Variants in UNC13C observed in about 807,000 individuals in gnomAD.
UNC13C encodes unc-13 homolog C.
In UNC13C, 174 loss-of-function variants were observed where a neutral mutation model predicts 245.4. The ratio of observed to expected loss-of-function variants is 0.71; its 90% CI spans 0.63 to 0.80. The LOEUF (loss-of-function observed/expected upper bound fraction) is 0.80, where lower values mean the gene tolerates loss of function less well. UNC13C is among the 30% of genes least tolerant of loss of function. The pLI, the probability that UNC13C is intolerant of heterozygous loss-of-function variation, is 0.00. For synonymous variants in UNC13C, 992 were observed against 895.1 expected (o/e 1.11, Z -1.93); for missense variants, 2,829 against 2,602.9 (o/e 1.09, Z -1.89).
At chr15:54,616,118 C>G (rs551991195) in intron 30 of UNC13C, among the ~76,000 whole-genome samples, 4 of 152,160 alleles carry the variant, frequency 2.6e-5, no homozygotes, top group South Asian at 4.1e-4. Context: ...GGATTTCTTA[C>G]TAACCTCTCA....
chr15:54,192,913 C>T (rs1037112704), intron 4 of UNC13C, among the ~76,000 whole-genome samples: 1 of 152,012 alleles, frequency 6.6e-6, no homozygotes, highest in African/African-American at 2.4e-5. Flanking sequence ...CACACACACA[C>T]ACACACAAAC....
At chr15:53,998,441 G>A (rs563456217) in intron 1 of UNC13C, among the ~76,000 whole-genome samples, 188 of 152,138 alleles carry the variant, frequency 1.2e-3, no homozygotes, top group South Asian at 7.1e-3. Context: ...CTAGTAGTGA[G>A]AAACATAATT....
At chr15:54,424,262 T>C (rs1021462170) in intron 19 of UNC13C, among the ~76,000 whole-genome samples, 8 of 151,852 alleles carry the variant, frequency 5.3e-5, no homozygotes, top group Non-Finnish European at 1.2e-4. Flanking sequence ...TCTGTGACTT[T>C]GTTTGGAGAC....
chr15:54,014,017 G>A lies in UNC13C; in HGVS notation c.1114G>A (p.Ala372Thr). The A allele has an allele frequency of 6.2e-7, 1 of 1,613,800 alleles. No individual in the cohort carries two copies. Among genetic ancestry groups the A allele is most frequent in the Non-Finnish European group, 8.5e-7 (1 of 1,179,842 alleles). ...RIGHQRDCPN[A>T]KPRPILVYFE... ...AGGACACCAGAGAGACTGCCCAAAT[G>A]CAAAGCCTCGACCCATACTTGTGTA... The change falls in exon 2 of 33, where the codon GCA becomes ACA. Residue 372 changes from alanine to threonine, a missense_variant. Transcript: ENST00000260323.
chr15:54,328,731 C>G (rs989139180), intron 14 of UNC13C, among the ~76,000 whole-genome samples: 11 of 152,040 alleles, frequency 7.2e-5, no homozygotes, highest in African/African-American at 2.7e-4. Context: ...ACCTCTTCCC[C>G]CTGCCCATGG....
At chr15:54,178,083 C>A (rs2033675466) in intron 4 of UNC13C, among the ~76,000 whole-genome samples, 2 of 151,976 alleles carry the variant, frequency 1.3e-5, no homozygotes, top group African/African-American at 4.8e-5. Context: ...TCATATTTTT[C>A]TTTTAAGCAG....
At position 54,555,428 on chromosome 15, in the gene UNC13C, C is replaced by G; in HGVS notation, c.5878-4C>G. On this transcript the variant is annotated splice_region_variant and splice_polypyrimidine_tract_variant and intron_variant, in intron 28 of 32. Coordinates refer to ENST00000260323, the MANE Select transcript of UNC13C (RefSeq NM_001080534.3). The stretch of plus-strand genomic sequence containing the variant: ...TTATAAGCAATTCTTCACCTGTTTT[C>G]CAGGAGCACATGATTCGAGAGGATG... 6.2e-7 allele frequency: 1 copy of G among 1,611,854 alleles called. No homozygotes were observed. Among genetic ancestry groups the G allele is most frequent in the Non-Finnish European group, 8.5e-7 (1 of 1,178,702 alleles).
chr15:54,278,911 T>A (rs1567155109), intron 10 of UNC13C, among the ~76,000 whole-genome samples: 1 of 152,228 alleles, frequency 6.6e-6, no homozygotes, highest in South Asian at 2.1e-4. Context: ...TTATACTTTT[T>A]AAAATATAAG....
chr15:54,285,908 C>T (rs993524310), intron 10 of UNC13C, among the ~76,000 whole-genome samples: 1 of 151,794 alleles, frequency 6.6e-6, no homozygotes, highest in Non-Finnish European at 1.5e-5. Context: ...GACAGAGTCT[C>T]GTTCTGTCAC....
chr15:53,869,644 A>G, the UNC13C span, among the ~76,000 whole-genome samples: 1 of 152,204 alleles, frequency 6.6e-6, no homozygotes, highest in Non-Finnish European at 1.5e-5. Flanking sequence ...ATATGCTGAC[A>G]CAGATATTCT....
At chr15:54,410,165 G>A (rs1219535609) in intron 18 of UNC13C, among the ~76,000 whole-genome samples, 1 of 152,082 alleles carries the variant, frequency 6.6e-6, no homozygotes, top group East Asian at 1.9e-4. Flanking sequence ...TTGGCCATGT[G>A]TATGTCATCT....
At chr15:53,977,695 T>G (rs1376876682), upstream of UNC13C, among the ~76,000 whole-genome samples, 3 of 152,208 alleles carry the variant, frequency 2.0e-5, no homozygotes, top group South Asian at 6.2e-4. Context: ...ATTAGAGGAT[T>G]GAAAATGCTT....
At chr15:53,895,079 C>A in the UNC13C span, among the ~76,000 whole-genome samples, 3 of 151,716 alleles carry the variant, frequency 2.0e-5, no homozygotes, top group East Asian at 3.9e-4. Context: ...AATTTTTTGT[C>A]GAGGCTGGGC....
intron 1 of UNC13C, among the ~76,000 whole-genome samples, chr15:53,988,729 G>A (rs1894254474): frequency 6.6e-6 from 1 of 151,922 alleles, no homozygotes; most frequent in Admixed American, 6.6e-5. Context: ...GGACATCAAA[G>A]AGTCACTTCT....
intron 4 of UNC13C, among the ~76,000 whole-genome samples, chr15:54,204,023 C>T (rs573173780): frequency 4.0e-5 from 6 of 151,578 alleles, no homozygotes; most frequent in African/African-American, 1.4e-4. Context: ...GAGACTATTA[C>T]TCTAAGTGAA....
intron 8 of UNC13C, among the ~76,000 whole-genome samples, chr15:54,255,574 C>T (rs2036258561): frequency 6.6e-6 from 1 of 152,180 alleles, no homozygotes; most frequent in African/African-American, 2.4e-5. Flanking sequence ...CCTGTGTGTT[C>T]CTCTGCTGAT....
At chr15:54,485,692 C>A (rs1413505335) in intron 19 of UNC13C, among the ~76,000 whole-genome samples, 1 of 152,196 alleles carries the variant, frequency 6.6e-6, no homozygotes, top group Non-Finnish European at 1.5e-5. Flanking sequence ...GTCCGGGTTT[C>A]TCTCTGAACC....
intron 1 of UNC13C, among the ~76,000 whole-genome samples, chr15:53,996,155 TGGAAA>T (rs1894623206): frequency 6.6e-6 from 1 of 152,186 alleles, no homozygotes; most frequent in Admixed American, 6.5e-5. Context: ...ATGTGATCCT[TGGAAA>T]GGAAGAATTC....
intron 2 of UNC13C, among the ~76,000 whole-genome samples, chr15:54,127,919 G>C (rs1026633630): frequency 6.6e-6 from 1 of 151,444 alleles, no homozygotes; most frequent in Admixed American, 6.6e-5. Flanking sequence ...GTCCTAGCCA[G>C]AGCAGTCAGG....
Sources: allele counts gnomAD v4.1 joint callset (sites outside exome capture counted in the v4.1 genomes callset), GRCh38; gene constraint gnomAD v4.1.1; transcripts MANE v1.5; gene names NCBI Gene and HGNC (gene_info 2026-07-23, HGNC 2026-07-21).